MARCHF7: variants seen among roughly 807,000 people sequenced by gnomAD.
MARCHF7 encodes membrane associated ring-CH-type finger 7, also known as E3 ubiquitin-protein ligase MARCHF7.
MARCHF7 carries 20 observed loss-of-function variants against 76.5 expected under a neutral mutation model. The ratio of observed to expected loss-of-function variants is 0.26; its 90% confidence interval spans 0.18 to 0.38. The LOEUF is 0.38. Among genes scored for constraint, MARCHF7 ranks in the 10% least tolerant of loss-of-function variants. The pLI is 1.00. For missense variants in MARCHF7, 797 were observed against 812.9 expected, an observed-to-expected ratio of 0.98 and a Z score of 0.24; for synonymous variants, 295 against 293.0, an observed-to-expected ratio of 1.01 and a Z score of -0.07.
chr2:159,739,971 T>A (rs1703937519), intron 4 of MARCHF7, among the ~76,000 whole-genome samples: 1 of 152,218 alleles, frequency 6.6e-6, no homozygotes, highest in Non-Finnish European at 1.5e-5. Flanking sequence ...AAATTCATTA[T>A]CTAAATCTGC....
Position 159,743,219 on chromosome 2 carries a change from G to C in MARCHF7, c.312G>C (p.Gly104=). ...LSCTNCTTSA[G]RNVGNGLNTL... is the part of the protein sequence containing the mutation. ...GTACAAACTGTACTACCTCAGCTGG[G>C]AGAAATGTTGGAAATGGTTTAAACA... Residue 104 remains glycine, a synonymous_variant, in exon 5 of 12, where the codon GGG becomes GGC. Transcript: ENST00000409175. 2.5e-6 allele frequency: 4 copies of C among 1,613,946 alleles called. No individual in the cohort carries two copies. Among genetic ancestry groups the C allele is most frequent in the Non-Finnish European group, 8.5e-7 (1 of 1,179,938 alleles).
chr2:159,721,463 T>A (rs1320928536), intron 3 of MARCHF7, among the ~76,000 whole-genome samples: 1 of 152,208 alleles, frequency 6.6e-6, no homozygotes, highest in Non-Finnish European at 1.5e-5. Flanking sequence ...GGTGAAGACA[T>A]ACTTAACAGA....
At chr2:159,722,300 G>A (rs1451987305) in intron 3 of MARCHF7, among the ~76,000 whole-genome samples, 1 of 152,036 alleles carries the variant, frequency 6.6e-6, no homozygotes, top group Non-Finnish European at 1.5e-5. Context: ...ACCACACCTG[G>A]CTAATTTTTG....
intron 4 of MARCHF7, among the ~76,000 whole-genome samples, chr2:159,739,258 A>C (rs2125509486): frequency 6.6e-6 from 1 of 152,358 alleles, no homozygotes; most frequent in Admixed American, 6.5e-5. Context: ...TGGAGCGCAC[A>C]GACCCTGCCA....
At chr2:159,759,369 A>G (rs901537946) in intron 9 of MARCHF7, 34 bp downstream of exon 9, 4 of 1,131,724 alleles carry the variant, frequency 3.5e-6, no homozygotes, top group Admixed American at 3.8e-5. Context: ...GTAAGTGTCT[A>G]TTCTATGCTT....
intron 3 of MARCHF7, among the ~76,000 whole-genome samples, chr2:159,725,545 A>G (rs1432316139): frequency 6.6e-6 from 1 of 151,950 alleles, no homozygotes. Context: ...ATTTTTTCTT[A>G]CGAATTTAAG....
intron 3 of MARCHF7, among the ~76,000 whole-genome samples, chr2:159,724,354 T>C (rs190108488): frequency 6.6e-6 from 1 of 152,306 alleles, no homozygotes; most frequent in Admixed American, 6.5e-5. Flanking sequence ...TGCTTAGTGT[T>C]GGTCTTTTTT....
intron 3 of MARCHF7, among the ~76,000 whole-genome samples, chr2:159,725,060 G>A (rs1294695210): frequency 2.6e-5 from 4 of 152,062 alleles, no homozygotes; most frequent in African/African-American, 4.8e-5. Context: ...TATGTGCCAC[G>A]TTTGCTTTAT....
chr2:159,754,965 C>T (rs1402254079), intron 8 of MARCHF7, among the ~76,000 whole-genome samples: 2 of 152,082 alleles, frequency 1.3e-5, no homozygotes, highest in African/African-American at 2.4e-5. Flanking sequence ...AAGTGAGGTA[C>T]GTGTACAATT....
At chr2:159,758,337 A>G (rs565479299) in intron 8 of MARCHF7, among the ~76,000 whole-genome samples, 2 of 152,358 alleles carry the variant, frequency 1.3e-5, no homozygotes, top group East Asian at 3.9e-4. Flanking sequence ...AAGGTTTGGT[A>G]AAAACAAGTA....
intron 5 of MARCHF7, 37 bp from the exon 6 acceptor site, chr2:159,745,733 G>A: frequency 6.8e-7 from 1 of 1,472,670 alleles, no homozygotes; most frequent in Non-Finnish European, 9.3e-7. Flanking sequence ...AGCCTTGAAA[G>A]CTTTCTCTGA....
chr2:159,753,353 C>T (rs13009817), intron 8 of MARCHF7, among the ~76,000 whole-genome samples: 10 of 151,946 alleles, frequency 6.6e-5, no homozygotes, highest in Admixed American at 2.0e-4. Flanking sequence ...GGGCGGATCA[C>T]GAGGTCAGGA....
intron 7 of MARCHF7, among the ~76,000 whole-genome samples, chr2:159,751,824 A>G (rs1341045755): frequency 1.3e-5 from 2 of 152,222 alleles, no homozygotes; most frequent in Admixed American, 1.3e-4. Flanking sequence ...GAGGGGGCAG[A>G]TGGAGAATTT....
In MARCHF7 at chr2:159,768,877, T is replaced by G. The variant is rs1708038336; in HGVS notation, c.*1535T>G. ...TCTGCTTAACCCATAAAACTTTATT[T>G]AAAAAATTTAACTAGATGGTACAAA... is the stretch of plus-strand genomic sequence containing the variant. On this transcript the variant is annotated 3_prime_UTR_variant, in exon 12 of 12. Transcript: ENST00000409175. 6.6e-6 allele frequency: 1 copy of G among 152,178 alleles called. No homozygotes were observed. Among genetic ancestry groups the G allele is most frequent in the Non-Finnish European group, 1.5e-5 (1 of 68,016 alleles). 9.4% of individuals were successfully genotyped at this position (152,178 alleles called of 1,614,324 possible).
At chr2:159,736,982 A>G (rs958217762) in intron 4 of MARCHF7, among the ~76,000 whole-genome samples, 6 of 152,250 alleles carry the variant, frequency 3.9e-5, no homozygotes, top group Non-Finnish European at 7.3e-5. Flanking sequence ...TATCACAGAT[A>G]GCCTTTTGAA....
In MARCHF7 at chr2:159,743,143, G is replaced by T. The variant is rs973004363; in HGVS notation, c.236G>T (p.Arg79Ile). The T allele has an allele frequency of 1.5e-5, 24 of 1,614,096 alleles. No homozygotes were observed. The highest frequency in any genetic ancestry group is 1.7e-5 in the Non-Finnish European group (20 of 1,180,032). Residue 79 changes from arginine to isoleucine, a missense_variant, in exon 5 of 12, where the codon AGA (arginine) becomes ATA (isoleucine). Around this residue, in one of 3 missense-constraint regions of MARCHF7, gnomAD observed 643 missense variants for 631.5 expected, o/e 1.02. Coordinates refer to ENST00000409175, the MANE Select transcript of MARCHF7 (RefSeq NM_001282805.2). ...ESEITQGARS[R>I]SQNQQRDHDS... ...GAGATAACTCAGGGAGCACGCTCAA[G>T]ATCGCAGAACCAGCAACGGGATCAT...
intron 4 of MARCHF7, among the ~76,000 whole-genome samples, chr2:159,742,505 GAT>G (rs1639633750): frequency 6.6e-6 from 1 of 151,774 alleles, no homozygotes; most frequent in Admixed American, 6.6e-5. Flanking sequence ...TAGGAAAAAT[GAT>G]TACAGTTTTT....
rs547381422 is a variant in MARCHF7 at position 159,745,878 on chromosome 2, C to A, written c.455C>A (p.Ser152Tyr). 6.2e-7 allele frequency: 1 copy of A among 1,611,954 alleles called. No homozygotes were observed. The highest frequency in any genetic ancestry group is 1.3e-5 in the African/African-American group (1 of 74,970). ...ERRDLERRTD[S>Y]SISNLMDYSH... is the part of the protein sequence containing the mutation. ...AGAGATTTGGAGAGAAGAACAGATT[C>A]CTCTATTAGTAATCTTATGGATTAT... Residue 152 changes from serine to tyrosine, a missense_variant, in exon 6 of 12, where the codon TCC becomes TAC. Physicochemically the swap from Ser to Tyr is moderately radical, Grantham distance 144 (BLOSUM62 -2). Around this residue, in one of 3 missense-constraint regions of MARCHF7, gnomAD observed 643 missense variants for 631.5 expected, o/e 1.02. Coordinates refer to ENST00000409175, the MANE Select transcript of MARCHF7 (RefSeq NM_001282805.2).
intron 10 of MARCHF7, among the ~76,000 whole-genome samples, chr2:159,764,253 T>TGCGCGC (rs1220661117): frequency 4.1e-5 from 5 of 123,396 alleles, no homozygotes; most frequent in East Asian, 2.6e-4. Flanking sequence ...TGTGTGTGTG[T>TGCGCGC]GTGCGCGCGC....
Sources: gnomAD v4.1 joint callset for allele counts (sites outside exome capture counted in the v4.1 genomes callset) on GRCh38, gnomAD v4.1.1 for gene constraint, gnomAD v4.1.1 regional missense constraint, MANE v1.5 for transcripts, NCBI Gene and HGNC (gene_info 2026-07-23, HGNC 2026-07-21) for gene names.